RNPS1: variants seen among roughly 807,000 people sequenced by gnomAD.
RNPS1 encodes the protein RNA-binding protein with serine-rich domain 1.
For missense variants in RNPS1, 300 were observed against 427.6 expected (o/e 0.70, Z 2.63); for synonymous variants, 147 against 150.0 (o/e 0.98, Z 0.15).
intron 4 of RNPS1, 78 bp from the exon 5 acceptor site, chr16:2,262,920 T>G: frequency 2.2e-6 from 3 of 1,364,652 alleles, no homozygotes; most frequent in Non-Finnish European, 3.1e-6. Context: ...TAAGCTCTTA[T>G]CTGCTTGTGT....
chr16:2,254,894 A>C (rs1051177668), intron 7 of RNPS1, among the ~76,000 whole-genome samples: 1 of 150,554 alleles, frequency 6.6e-6, no homozygotes, highest in South Asian at 2.1e-4. Flanking sequence ...GGCACCCACC[A>C]CCACGCCCGG....
At chr16:2,265,435 C>G (rs1449523700) in intron 1 of RNPS1, 1 of 151,636 alleles carries the variant, frequency 6.6e-6, no homozygotes, top group Non-Finnish European at 1.5e-5. Flanking sequence ...TGGCTAGATA[C>G]ACCATACAGC....
chr16:2,255,752 A>C (rs2093575300), intron 6 of RNPS1, 26 bp from the exon 7 acceptor site: 1 of 1,611,212 alleles, frequency 6.2e-7, no homozygotes, highest in Non-Finnish European at 8.5e-7. Context: ...GCAAGTCATA[A>C]AATATCTAAC....
chr16:2,254,394 T>A (rs2093567347), intron 7 of RNPS1, among the ~76,000 whole-genome samples: 1 of 150,720 alleles, frequency 6.6e-6, no homozygotes, highest in Non-Finnish European at 1.5e-5. Context: ...CCCAGGTTCA[T>A]GCCATTCTCC....
chr16:2,254,866 C>T (rs1053065609), intron 7 of RNPS1, among the ~76,000 whole-genome samples: 11 of 151,604 alleles, frequency 7.3e-5, no homozygotes, highest in Admixed American at 5.9e-4. Context: ...CTCAGCCTCC[C>T]GAGTAGCTGG....
At chr16:2,266,964 T>A (rs1395309215) in intron 1 of RNPS1, 1 of 217,766 alleles carries the variant, frequency 4.6e-6, no homozygotes, top group African/African-American at 2.3e-5. Context: ...AATGGCTACT[T>A]GGCTGGACAG....
At chr16:2,267,971 G>C in intron 1 of RNPS1, 84 bp downstream of exon 1, 4 of 1,533,336 alleles carry the variant, frequency 2.6e-6, no homozygotes, top group African/African-American at 1.4e-5. Flanking sequence ...GGGCTGAGGA[G>C]TGGACCGGCT....
chr16:2,262,245 G>A, intron 6 of RNPS1, 33 bp downstream of exon 6: 1 of 1,597,154 alleles, frequency 6.3e-7, no homozygotes, highest in South Asian at 1.1e-5. Context: ...GCGGGTCTCT[G>A]AGAGGTCAGG....
intron 6 of RNPS1, chr16:2,258,339 T>A (rs1178888923): frequency 6.6e-6 from 1 of 152,212 alleles, no homozygotes; most frequent in African/African-American, 2.4e-5. Context: ...ATTTGCTAAT[T>A]TTTTTCCCCC....
Position 2,268,097 on chromosome 16 carries a change from C to A in RNPS1, c.-160G>T, listed in dbSNP as rs762953884. 20 of 1,535,258 alleles carry A rather than the reference C, an allele frequency of 1.3e-5. 1 individual carries two copies. The South Asian group carries it at 2.0e-4, about 16-fold the overall frequency. On this transcript the variant is annotated 5_prime_UTR_variant, in exon 1 of 8. Coordinates refer to ENST00000320225, the MANE Select transcript of RNPS1 (RefSeq NM_080594.4). ...ACCTCCTCCTGCTTTCCTCAGCCGC[C>A]GAGGCCGGCGCCGCTCTGACGTCAG...
At chr16:2,267,712 G>A in intron 1 of RNPS1, 1 of 1,240,364 alleles carries the variant, frequency 8.1e-7, no homozygotes, top group Non-Finnish European at 1.0e-6. Context: ...GGCAGGGCCT[G>A]GCGTTGGGGG....
rs1382846099 is a variant in RNPS1, at chr16:2,268,076, C to T, written c.-139G>A. On this transcript the variant is annotated 5_prime_UTR_variant, in exon 1 of 8. Transcript: ENST00000320225. Reference sequence around the variant, plus strand: ...TTACATCTTCCCGCCGCCGCCACCTCCTCCTGCTTTCCTCAGCCGCCGAGG... The same window carrying T: ...TTACATCTTCCCGCCGCCGCCACCTTCTCCTGCTTTCCTCAGCCGCCGAGG... 6 of 1,535,442 alleles carry T rather than the reference C, an allele frequency of 3.9e-6. No homozygotes were observed. In the East Asian group the frequency reaches 7.3e-5, roughly 19 times the overall value.
intron 3 of RNPS1, 102 bp downstream of exon 3, chr16:2,264,074 G>T: frequency 7.3e-7 from 1 of 1,370,860 alleles, no homozygotes; most frequent in Non-Finnish European, 1.0e-6. Flanking sequence ...ATCAGAGGAT[G>T]TGTTTTCTTT....
intron 6 of RNPS1, chr16:2,257,421 T>A (rs990240746): frequency 6.6e-6 from 1 of 152,080 alleles, no homozygotes; most frequent in East Asian, 1.9e-4. Flanking sequence ...ACTGACTCTA[T>A]AATAATGAAG....
chr16:2,255,384 T>A (rs1244484935), intron 7 of RNPS1, among the ~76,000 whole-genome samples: 2 of 152,222 alleles, frequency 1.3e-5, no homozygotes, highest in Non-Finnish European at 2.9e-5. Context: ...GCTGTGTTGG[T>A]GCAACTCTAG....
intron 1 of RNPS1, 41 bp downstream of exon 1, chr16:2,268,014 C>T (rs1262537186): frequency 2.0e-6 from 3 of 1,533,638 alleles, no homozygotes; most frequent in Non-Finnish European, 2.6e-6. Context: ...TGCCGGGCAG[C>T]CCCCGAAACA....
Position 2,265,951 on chromosome 16 carries a change from A to G in RNPS1, c.-117-1191T>C, listed in dbSNP as rs146834742. On this transcript the variant is annotated intron_variant, in intron 1 of 7. Coordinates refer to ENST00000320225, the MANE Select transcript of RNPS1 (RefSeq NM_080594.4). The stretch of plus-strand genomic sequence containing the variant: ...TGCCTGGACTGCAGAATGTGCTCAA[A>G]TAACGGTAACAAATTACTCAAAAAC... The G allele has an allele frequency of 6.6e-5, 16 of 240,660 alleles. No individual in the cohort carries two copies. The East Asian group carries it at 2.3e-3, about 35-fold the overall frequency. 14.9% of individuals were successfully genotyped at this position (240,660 alleles called of 1,614,324 possible).
Position 2,262,856 on chromosome 16 carries a change from CA to C in RNPS1, c.420-15del. ...GGTGGTTTGGATCTGATTGAGAAAA[CA>C]AAACACCAGAAACAATTTCTGTCAA... On this transcript the variant is annotated splice_polypyrimidine_tract_variant and intron_variant, in intron 4 of 7. Transcript: ENST00000320225. The C allele has an allele frequency of 1.2e-6, 2 of 1,605,722 alleles. No homozygotes were observed. The highest frequency in any genetic ancestry group is 1.7e-6 in the Non-Finnish European group (2 of 1,173,324).
At position 2,262,408 on chromosome 16, in the gene RNPS1, G is replaced by A. The variant is rs1308145387; in HGVS notation, c.546C>T (p.Ser182=). ...CAATCATTTTAATTTTCCCATAGGT[G>A]GAAAATATCTCCATGATGTGATCCT... ...VTKDHIMEIF[S]TYGKIKMIDM... is the part of the protein sequence containing the mutation. Residue 182 remains serine (S), a synonymous_variant, in exon 6 of 8, where the codon TCC becomes TCT. Coordinates refer to ENST00000320225, the MANE Select transcript of RNPS1 (RefSeq NM_080594.4). 1 of 1,614,030 alleles carries A rather than the reference G, an allele frequency of 6.2e-7. No individual in the cohort carries two copies. The highest frequency in any genetic ancestry group is 1.7e-4 in the Middle Eastern group (1 of 6,058).
Sources: gnomAD v4.1 joint callset for allele counts (sites outside exome capture counted in the v4.1 genomes callset) on GRCh38, gnomAD v4.1.1 for gene constraint, MANE v1.5 for transcripts, NCBI Gene and HGNC (gene_info 2026-07-23, HGNC 2026-07-21) for gene names.